Variants in EIF2B3 observed in about 807,000 individuals in gnomAD.
EIF2B3 encodes translation initiation factor eIF2B subunit gamma.
A neutral mutation model predicts 54.1 loss-of-function variants in EIF2B3; 20 were observed. The observed-to-expected ratio is 0.37, with a 90% CI of 0.26 to 0.54. The LOEUF is 0.54. Ranked by LOEUF, EIF2B3 falls within the 20% of genes least tolerant of loss-of-function variation. EIF2B3 has a pLI of 0.86. For synonymous variants in EIF2B3, 153 were observed against 188.1 expected (o/e 0.81, Z 1.52); for missense variants, 448 against 547.8 (o/e 0.82, Z 1.82).
chr1:44,950,713 G>A (rs1644151645), intron 3 of EIF2B3, among the ~76,000 whole-genome samples: 1 of 151,976 alleles, frequency 6.6e-6, no homozygotes, highest in Admixed American at 6.6e-5. Context: ...TTTGAGACAA[G>A]AGTCTTGCTC....
In EIF2B3 at chr1:44,981,211, A is replaced by G. The variant is rs187226219; in HGVS notation, c.-9-34T>C. On this transcript the variant is annotated intron_variant, in intron 1 of 11. Coordinates refer to ENST00000360403, the MANE Select transcript of EIF2B3 (RefSeq NM_020365.5). ...ACAGAAAAAACAATTAACAGAAAAA[A>G]AACAATGTAACAAAAATCAAAGCAC... 12 of 1,611,702 alleles carry G rather than the reference A, an allele frequency of 7.4e-6. No homozygotes were observed. In the East Asian group the frequency reaches 2.7e-4, roughly 36 times the overall value.
intron 3 of EIF2B3, among the ~76,000 whole-genome samples, chr1:44,954,772 T>C (rs551089170): frequency 1.3e-5 from 2 of 152,014 alleles, no homozygotes; most frequent in African/African-American, 4.8e-5. Flanking sequence ...TGAATAGGAG[T>C]GGTGAGAGAG....
intron 11 of EIF2B3, among the ~76,000 whole-genome samples, chr1:44,852,796 A>C (rs1332631280): frequency 6.8e-6 from 1 of 147,014 alleles, no homozygotes; most frequent in Non-Finnish European, 1.5e-5. Context: ...AAAAAAAAAA[A>C]CAAACCAAGA....
chr1:44,859,476 G>C (rs896192245), intron 10 of EIF2B3, among the ~76,000 whole-genome samples: 1 of 152,032 alleles, frequency 6.6e-6, no homozygotes, highest in Non-Finnish European at 1.5e-5. Context: ...TGGCCAACAT[G>C]GTGAAACCCC....
chr1:44,870,733 A>C (rs1252106907), intron 10 of EIF2B3, among the ~76,000 whole-genome samples: 1 of 151,278 alleles, frequency 6.6e-6, no homozygotes, highest in Non-Finnish European at 1.5e-5. Flanking sequence ...GCTCACTGCA[A>C]CCTCTGCCTC....
chr1:44,901,901 T>G (rs901071567), intron 5 of EIF2B3, among the ~76,000 whole-genome samples: 1 of 152,186 alleles, frequency 6.6e-6, no homozygotes, highest in Non-Finnish European at 1.5e-5. Context: ...AAATCTTTAA[T>G]TTTTAAGAAA....
chr1:44,978,653 T>TTTA (rs1187665605), intron 2 of EIF2B3, among the ~76,000 whole-genome samples, 193 bp from the exon 3 acceptor site: 13 of 119,156 alleles, frequency 1.1e-4, no homozygotes, highest in Admixed American at 1.9e-4. Flanking sequence ...TTTTTTTTTT[T>TTTA]ACAGACAGGG....
At chr1:44,877,844 C>T (rs975614763) in intron 8 of EIF2B3, among the ~76,000 whole-genome samples, 6 of 152,194 alleles carry the variant, frequency 3.9e-5, no homozygotes, top group Non-Finnish European at 5.9e-5. Flanking sequence ...CTTGTCAGCA[C>T]GGCTACACTG....
At chr1:44,948,363 C>T (rs1644125429) in intron 3 of EIF2B3, among the ~76,000 whole-genome samples, 1 of 152,268 alleles carries the variant, frequency 6.6e-6, no homozygotes, top group South Asian at 2.1e-4. Context: ...TATTGCACTG[C>T]CTTAGTTCAG....
intron 5 of EIF2B3, among the ~76,000 whole-genome samples, chr1:44,922,770 A>C (rs1046132320): frequency 2.7e-5 from 4 of 149,454 alleles, no homozygotes; most frequent in Non-Finnish European, 5.9e-5. Flanking sequence ...GGTTAAGTTA[A>C]TCCCCAGGTA....
chr1:44,976,053 G>A (rs981851352), intron 3 of EIF2B3, among the ~76,000 whole-genome samples: 2 of 152,224 alleles, frequency 1.3e-5, no homozygotes, highest in Admixed American at 1.3e-4. Context: ...AAGGTCAGAT[G>A]GGCAGAGATT....
At chr1:44,963,277 T>A in intron 3 of EIF2B3, among the ~76,000 whole-genome samples, 1 of 149,292 alleles carries the variant, frequency 6.7e-6, no homozygotes, top group Non-Finnish European at 1.5e-5. Flanking sequence ...AGGGGGGAAA[T>A]CTTTTTTTTT....
At chr1:44,952,554 CA>C (rs899062224) in intron 3 of EIF2B3, among the ~76,000 whole-genome samples, 4 of 133,490 alleles carry the variant, frequency 3.0e-5, no homozygotes, top group African/African-American at 1.2e-4. Context: ...GTCTTTTCTC[CA>C]ATTTTTTTTT....
At chr1:44,940,575 A>T (rs1198572098) in intron 4 of EIF2B3, 1 of 152,180 alleles carries the variant, frequency 6.6e-6, no homozygotes, top group African/African-American at 2.4e-5. Context: ...GTAAGAGACC[A>T]TCCTGGCCAA....
intron 4 of EIF2B3, among the ~76,000 whole-genome samples, chr1:44,936,072 A>C (rs13374816): frequency 0.15 from 22,567 of 151,850 alleles, 1,800 homozygotes; most frequent in Non-Finnish European, 0.17. Flanking sequence ...ATGGCGAGAC[A>C]ATGGCTGAAT....
In EIF2B3 at chr1:44,881,569, C is replaced by A; in HGVS notation, c.784+43G>T. ...TGCCCAACCACTCTTTCCAAAGGTG[C>A]TGCTACCCTTGCCCCTCTTACTGAA... On this transcript the variant is annotated intron_variant, in intron 7 of 11. Transcript: ENST00000360403. This position sits in a 1 kb window ranked among gnomAD's most constrained non-coding sequence, Gnocchi z 4.0. The A allele has an allele frequency of 6.2e-7, 1 of 1,611,228 alleles. No homozygotes were observed. The highest frequency in any genetic ancestry group is 1.1e-5 in the South Asian group (1 of 90,922).
Position 44,892,342 on chromosome 1 carries a change from G to A in EIF2B3, c.656+5013C>T, listed in dbSNP as rs553063743. Among the ~76,000 whole-genome samples, 4 of 152,228 alleles carry A rather than the reference G, an allele frequency of 2.6e-5. No homozygotes were observed. In the South Asian group the frequency reaches 8.3e-4, roughly 32 times the overall value. On this transcript the variant is annotated intron_variant, in intron 6 of 11. Coordinates refer to ENST00000360403, the MANE Select transcript of EIF2B3 (RefSeq NM_020365.5). ...CACTTGTAATCCCAGCTCTTTGGGAGGCCTAGGTGGGAGGATCTCTTGAGC... is the reference window on the plus strand; with the variant it reads ...CACTTGTAATCCCAGCTCTTTGGGAAGCCTAGGTGGGAGGATCTCTTGAGC...
intron 3 of EIF2B3, 47 bp from the exon 4 acceptor site, chr1:44,941,712 T>C: frequency 6.2e-7 from 1 of 1,608,944 alleles, no homozygotes; most frequent in Non-Finnish European, 8.5e-7. Flanking sequence ...GGACAATGGA[T>C]TACACAAATC....
intron 8 of EIF2B3, among the ~76,000 whole-genome samples, chr1:44,876,659 G>A (rs1183220747): frequency 2.6e-5 from 3 of 113,634 alleles, no homozygotes; most frequent in African/African-American, 3.8e-5. Context: ...GAAGTGAGGA[G>A]CCCCTCTGCC....
Sources: allele counts gnomAD v4.1 joint callset (sites outside exome capture counted in the v4.1 genomes callset), GRCh38; gene constraint gnomAD v4.1.1; non-coding constraint Gnocchi (gnomAD v3.1); transcripts MANE v1.5; gene names NCBI Gene and HGNC (gene_info 2026-07-23, HGNC 2026-07-21).